The following OSBPL10 variants were observed in gnomAD, a reference collection of about 807,000 sequenced individuals.
OSBPL10 encodes the protein oxysterol binding protein like 10, also known as oxysterol-binding protein-related protein 10.
OSBPL10 carries 49 observed loss-of-function variants against 81.7 expected under a neutral mutation model. The observed-to-expected ratio is 0.60, with a 90% confidence interval of 0.48 to 0.76. The LOEUF is 0.76. OSBPL10 is among the 30% of genes least tolerant of loss of function. The pLI is 0.00. For synonymous variants in OSBPL10, 419 were observed against 383.6 expected (o/e 1.09, Z -1.08); for missense variants, 923 against 987.8 (o/e 0.93, Z 0.88).
intron 3 of OSBPL10, among the ~76,000 whole-genome samples, chr3:31,859,636 G>A (rs909362190): frequency 7.2e-5 from 11 of 152,202 alleles, no homozygotes; most frequent in Non-Finnish European, 1.6e-4. Flanking sequence ...ACAGCAAGAA[G>A]GTCCTCACCA....
chr3:31,767,889 G>A (rs1446510809), intron 4 of OSBPL10, among the ~76,000 whole-genome samples: 1 of 152,114 alleles, frequency 6.6e-6, no homozygotes, highest in Admixed American at 6.5e-5. Flanking sequence ...TGGGTCGTTG[G>A]CTTCATGTAG....
chr3:31,741,591 G>C (rs1279314623), intron 5 of OSBPL10, among the ~76,000 whole-genome samples: 2 of 152,286 alleles, frequency 1.3e-5, no homozygotes, highest in East Asian at 3.9e-4. Context: ...GGAGAAGTTG[G>C]CACTCAAAAA....
chr3:31,715,326 G>A (rs909683251), intron 6 of OSBPL10, among the ~76,000 whole-genome samples: 2 of 152,210 alleles, frequency 1.3e-5, no homozygotes, highest in African/African-American at 4.8e-5. Flanking sequence ...TGATTGGAGA[G>A]TGGTGCTCTA....
chr3:31,845,427 A>T (rs2125563417), intron 3 of OSBPL10, among the ~76,000 whole-genome samples: 1 of 152,352 alleles, frequency 6.6e-6, no homozygotes, highest in South Asian at 2.1e-4. Context: ...AACAGAAGAG[A>T]TTCCAAATTG....
chr3:31,723,316 C>G (rs945476458), intron 6 of OSBPL10, among the ~76,000 whole-genome samples: 1 of 152,170 alleles, frequency 6.6e-6, no homozygotes, highest in African/African-American at 2.4e-5. Flanking sequence ...CACTGGGCAC[C>G]TCATGGAGTC....
intron 1 of OSBPL10, among the ~76,000 whole-genome samples, chr3:32,067,968 A>C (rs1324644283): frequency 6.6e-6 from 1 of 152,200 alleles, no homozygotes; most frequent in African/African-American, 2.4e-5. Flanking sequence ...CTGCTTCAAG[A>C]GACCAGTTCC....
intron 2 of OSBPL10, chr3:31,989,363 A>G: frequency 6.2e-7 from 1 of 1,614,252 alleles, no homozygotes; most frequent in East Asian, 2.2e-5. Context: ...CATGAAAGTC[A>G]TCACATTGGA....
chr3:31,945,570 A>G (rs1697676168), intron 1 of OSBPL10, among the ~76,000 whole-genome samples: 1 of 152,196 alleles, frequency 6.6e-6, no homozygotes, highest in African/African-American at 2.4e-5. Flanking sequence ...TTTCTCTTGC[A>G]ATATCCAAGG....
intron 2 of OSBPL10, among the ~76,000 whole-genome samples, chr3:32,021,332 G>A (rs1223821077): frequency 1.3e-5 from 2 of 152,304 alleles, no homozygotes; most frequent in East Asian, 3.9e-4. Flanking sequence ...AAAGTTCAAC[G>A]TCATGAGGAC....
chr3:31,912,764 C>A (rs943402359), intron 1 of OSBPL10, among the ~76,000 whole-genome samples: 1 of 152,142 alleles, frequency 6.6e-6, no homozygotes, highest in African/African-American at 2.4e-5. Flanking sequence ...ATACACTACC[C>A]AGCAGCTCTG....
In OSBPL10 at chr3:31,855,167, A is replaced by C. The variant is rs1197663663; in HGVS notation, c.537+21266T>G. Among the ~76,000 whole-genome samples the C allele has an allele frequency of 2.0e-5, 3 of 151,524 alleles. No individual in the cohort carries two copies. In the East Asian group the frequency reaches 5.9e-4, roughly 30 times the overall value. ...CGGCCTCCTAAGTAGCTGGGACTAA[A>C]GCATGTGCCACCCTGGCTAATTTTT... is the stretch of plus-strand genomic sequence containing the variant. On this transcript the variant is annotated intron_variant, in intron 3 of 11. Transcript: ENST00000396556.
rs975213116 is a variant in OSBPL10, at chr3:31,733,693, T to G, written c.941-282A>C. Among the ~76,000 whole-genome samples the G allele has an allele frequency of 8.0e-5, 12 of 149,182 alleles. No individual in the cohort carries two copies. The East Asian group carries it at 1.6e-3, about 20-fold the overall frequency. On this transcript the variant is annotated intron_variant, in intron 5 of 11. Coordinates refer to ENST00000396556, the MANE Select transcript of OSBPL10 (RefSeq NM_017784.5). ...CAAAGCCAGATAAAGGTGTTTTTTTTTTTTTTTTTTTTTTTTTTGAACTTT... is the reference window on the plus strand; with the variant it reads ...CAAAGCCAGATAAAGGTGTTTTTTTGTTTTTTTTTTTTTTTTTTGAACTTT...
intron 1 of OSBPL10, among the ~76,000 whole-genome samples, chr3:31,957,933 C>A (rs530197303): frequency 1.2e-4 from 19 of 152,180 alleles, no homozygotes; most frequent in Non-Finnish European, 2.4e-4. Flanking sequence ...GCCACCGCAC[C>A]CGGCCAGATT....
intron 4 of OSBPL10, among the ~76,000 whole-genome samples, chr3:31,757,257 G>A (rs1388817395): frequency 2.0e-5 from 3 of 152,130 alleles, no homozygotes; most frequent in Non-Finnish European, 4.4e-5. Context: ...AGATAAATAA[G>A]ATCTTGAGGG....
chr3:31,721,174 C>T (rs1394876948), intron 6 of OSBPL10, among the ~76,000 whole-genome samples: 1 of 152,152 alleles, frequency 6.6e-6, no homozygotes, highest in Non-Finnish European at 1.5e-5. Flanking sequence ...GGAATGCAGG[C>T]AGCCTCTAGA....
At chr3:31,971,773 T>C (rs1698572780) in intron 1 of OSBPL10, among the ~76,000 whole-genome samples, 2 of 304 alleles carry the variant, frequency 6.6e-3, no homozygotes, top group Non-Finnish European at 0.012. Context: ...TAAATAAAGT[T>C]TTATAGAACA....
intron 2 of OSBPL10, chr3:31,990,838 A>G: frequency 6.3e-7 from 1 of 1,589,122 alleles, no homozygotes; most frequent in Non-Finnish European, 8.6e-7. Context: ...ACAAAGGAGA[A>G]TTCATATGGG....
intron 7 of OSBPL10, among the ~76,000 whole-genome samples, chr3:31,693,408 A>G (rs527787297): frequency 6.6e-6 from 1 of 152,378 alleles, no homozygotes; most frequent in East Asian, 1.9e-4. Context: ...TCAAGAAGCC[A>G]AAAAGAGACA....
intron 2 of OSBPL10, among the ~76,000 whole-genome samples, chr3:32,004,770 T>C (rs1699187256): frequency 6.6e-6 from 1 of 152,156 alleles, no homozygotes; most frequent in African/African-American, 2.4e-5. Context: ...TATTTGCAGG[T>C]GTATGGCTTA....
Sources: allele counts gnomAD v4.1 joint callset (sites outside exome capture counted in the v4.1 genomes callset), GRCh38; gene constraint gnomAD v4.1.1; transcripts MANE v1.5; gene names NCBI Gene and HGNC (gene_info 2026-07-23, HGNC 2026-07-21).